The following RBM6 variants were observed in gnomAD, a reference collection of about 807,000 sequenced individuals.
RBM6 encodes the protein RNA binding motif protein 6.
In RBM6, 23 loss-of-function variants were observed where a neutral mutation model predicts 140.4. The observed-to-expected ratio is 0.16, with a 90% CI of 0.12 to 0.23. RBM6 has a LOEUF of 0.23. Among genes scored for constraint, RBM6 ranks in the 10% least tolerant of loss-of-function variants. The probability of loss-of-function intolerance (pLI) is 1.00; values close to 1 mark genes in which losing one functional copy is unlikely to be tolerated. For synonymous variants in RBM6, 439 were observed against 475.6 expected (o/e 0.92, Z 1.00); for missense variants, 1,139 against 1,386.7 (o/e 0.82, Z 2.84).
At chr3:50,031,837 T>A (rs1176513399) in intron 6 of RBM6, among the ~76,000 whole-genome samples, 1 of 151,958 alleles carries the variant, frequency 6.6e-6, no homozygotes, top group African/African-American at 2.4e-5. Context: ...TAATGCAGAG[T>A]ATAATTTGAT....
At chr3:49,994,351 C>T (rs2085970847) in intron 5 of RBM6, among the ~76,000 whole-genome samples, 1 of 152,150 alleles carries the variant, frequency 6.6e-6, no homozygotes, top group African/African-American at 2.4e-5. Context: ...CCACGAGCCA[C>T]CACACCCAGC....
intron 6 of RBM6, among the ~76,000 whole-genome samples, chr3:50,013,023 G>A (rs1342565786): frequency 5.3e-5 from 8 of 152,080 alleles, no homozygotes; most frequent in South Asian, 2.1e-4. Flanking sequence ...GATTACAGGC[G>A]TGAGCCACCG....
chr3:49,963,182 G>A (rs1400861726), intron 2 of RBM6, among the ~76,000 whole-genome samples: 5 of 151,476 alleles, frequency 3.3e-5, no homozygotes, highest in African/African-American at 1.2e-4. Context: ...ATGATTGTGA[G>A]CCTGAATACC....
chr3:50,050,094 T>C (rs2089408544), intron 7 of RBM6, among the ~76,000 whole-genome samples: 2 of 152,064 alleles, frequency 1.3e-5, no homozygotes, highest in Non-Finnish European at 2.9e-5. Context: ...CTTGACCTCC[T>C]GTGCTCAAGC....
intron 17 of RBM6, among the ~76,000 whole-genome samples, chr3:50,066,914 G>A (rs2090140978): frequency 6.6e-6 from 1 of 152,042 alleles, no homozygotes; most frequent in Non-Finnish European, 1.5e-5. Context: ...GCCGGGCCTA[G>A]TGGTTTACAC....
rs781742800 is a variant in RBM6, at chr3:49,967,925, G to T, written c.500G>T (p.Gly167Val). ...GATGCTCACGCTGTTGACTTCAGAG[G>T]TAGGGATGCTCCTCCATCTGACTTC... Reference protein sequence around the residue: ...DRDAHAVDFRGRDAPPSDFRG... With the variant: ...DRDAHAVDFRVRDAPPSDFRG... Residue 167 changes from glycine (G) to valine (V), a missense_variant, in exon 3 of 21, where the codon GGT becomes GTT. Around this residue, in one of 9 missense-constraint regions of RBM6, gnomAD observed 566 missense variants for 612.7 expected, o/e 0.92. Transcript: ENST00000266022. The surrounding 1 kb of genome is among the most constrained non-coding windows in gnomAD (Gnocchi z 4.0). The T allele has an allele frequency of 6.2e-7, 1 of 1,613,970 alleles. No homozygotes were observed. Among genetic ancestry groups the T allele is most frequent in the South Asian group, 1.1e-5 (1 of 91,084 alleles).
At chr3:50,024,970 G>A (rs140675094) in intron 6 of RBM6, among the ~76,000 whole-genome samples, 2 of 149,898 alleles carry the variant, frequency 1.3e-5, no homozygotes, top group African/African-American at 4.9e-5. Context: ...CAGCCTGGGC[G>A]ACAGAGCAAG....
In RBM6 at chr3:50,077,181, GTC is replaced by G; in HGVS notation, c.*53_*54del. On this transcript the variant is annotated 3_prime_UTR_variant, in exon 21 of 21. Transcript: ENST00000266022. ...ATACAACCTCCCTCTTGTTTTGTTT[GTC>G]TCTCCTTTTCTTTTGTTACTGTTCT... 6.4e-7 allele frequency: 1 copy of G among 1,554,084 alleles called. No homozygotes were observed.
chr3:50,061,716 T>C, intron 14 of RBM6, 169 bp downstream of exon 14: 1 of 1,412,178 alleles, frequency 7.1e-7, no homozygotes. Flanking sequence ...AACTGTTGCC[T>C]ATATGGAAAA....
At chr3:49,960,047 G>A (rs899140864) in intron 1 of RBM6, among the ~76,000 whole-genome samples, 1 of 152,156 alleles carries the variant, frequency 6.6e-6, no homozygotes, top group Non-Finnish European at 1.5e-5. Context: ...CTGCTTTGCA[G>A]CTTTCATTAG....
chr3:49,966,286 G>A (rs1370284767), intron 2 of RBM6, among the ~76,000 whole-genome samples: 1 of 152,212 alleles, frequency 6.6e-6, no homozygotes, highest in Non-Finnish European at 1.5e-5. Flanking sequence ...GGCAAGAATT[G>A]AGTTGGTATT....
At chr3:50,043,351 C>T (rs534166265) in intron 6 of RBM6, among the ~76,000 whole-genome samples, 15 of 151,744 alleles carry the variant, frequency 9.9e-5, no homozygotes, top group African/African-American at 2.7e-4. Context: ...GGTGTAGTGG[C>T]GCACACCTGT....
chr3:50,027,389 G>A (rs2087901756), intron 6 of RBM6, among the ~76,000 whole-genome samples: 1 of 152,130 alleles, frequency 6.6e-6, no homozygotes, highest in Non-Finnish European at 1.5e-5. Flanking sequence ...GTACAATTTA[G>A]TAGTTTTTAG....
intron 4 of RBM6, among the ~76,000 whole-genome samples, chr3:49,973,629 A>T (rs1025160335): frequency 1.5e-5 from 2 of 135,126 alleles, no homozygotes; most frequent in African/African-American, 5.7e-5. Context: ...TCTGTCACCC[A>T]GGCTGGAGTG....
At chr3:49,981,469 G>A (rs1423783221) in intron 5 of RBM6, 2 of 152,202 alleles carry the variant, frequency 1.3e-5, no homozygotes, top group African/African-American at 4.8e-5. Context: ...ACTGGCAGTA[G>A]ATAAAGTGTT....
intron 6 of RBM6, among the ~76,000 whole-genome samples, chr3:50,047,733 T>G (rs1575804356): frequency 6.6e-6 from 1 of 152,234 alleles, no homozygotes; most frequent in Non-Finnish European, 1.5e-5. Flanking sequence ...TTGTATGTCT[T>G]TGTCCTGGTG....
chr3:50,015,866 T>C (rs2087117134), intron 6 of RBM6, among the ~76,000 whole-genome samples: 1 of 152,252 alleles, frequency 6.6e-6, no homozygotes, highest in African/African-American at 2.4e-5. Context: ...ATGATACATG[T>C]GTACATTGTA....
intron 1 of RBM6, among the ~76,000 whole-genome samples, chr3:49,956,963 C>T (rs1027870035): frequency 6.6e-6 from 1 of 152,152 alleles, no homozygotes; most frequent in African/African-American, 2.4e-5. Context: ...CCAGGCCTGG[C>T]CTGCTTTTTT....
intron 15 of RBM6, among the ~76,000 whole-genome samples, chr3:50,063,761 C>T (rs558551596): frequency 1.3e-5 from 2 of 151,728 alleles, no homozygotes; most frequent in Admixed American, 6.6e-5. Flanking sequence ...ATTAGCTGGA[C>T]GTGGTGGCGC....
Sources: gnomAD v4.1 joint callset for allele counts (sites outside exome capture counted in the v4.1 genomes callset) on GRCh38, gnomAD v4.1.1 for gene constraint, gnomAD v4.1.1 regional missense constraint, Gnocchi (gnomAD v3.1) non-coding constraint, MANE v1.5 for transcripts, NCBI Gene and HGNC (gene_info 2026-07-23, HGNC 2026-07-21) for gene names.